Variants in PCDH17 observed in about 807,000 individuals in gnomAD.
PCDH17 encodes protocadherin-17.
PCDH17 carries 21 observed loss-of-function variants against 67.7 expected under a neutral mutation model. That is an observed-to-expected ratio of 0.31 (90% CI 0.22 to 0.45). The LOEUF is 0.45. PCDH17 is among the 20% of genes least tolerant of loss of function. The pLI is 1.00. For synonymous variants in PCDH17, 701 were observed against 656.7 expected (o/e 1.07, Z -1.03); for missense variants, 1,471 against 1,564.8 (o/e 0.94, Z 1.01).
At chr13:57,696,939 A>C (rs908349810) in intron 3 of PCDH17, among the ~76,000 whole-genome samples, 1 of 151,650 alleles carries the variant, frequency 6.6e-6, no homozygotes, top group African/African-American at 2.4e-5. Flanking sequence ...GACAGTCTCA[A>C]CAAACTGATA....
intron 3 of PCDH17, among the ~76,000 whole-genome samples, chr13:57,701,783 TG>T (rs1301269770): frequency 6.6e-6 from 1 of 152,168 alleles, no homozygotes; most frequent in Non-Finnish European, 1.5e-5. Flanking sequence ...ATAACATTTT[TG>T]CTTCAAATGT....
intron 3 of PCDH17, among the ~76,000 whole-genome samples, chr13:57,712,211 T>C (rs555269980): frequency 2.8e-4 from 42 of 151,860 alleles, no homozygotes; most frequent in Admixed American, 5.3e-4. Flanking sequence ...ATTTTAATAC[T>C]GGATAACTTT....
rs199965925 is a variant in PCDH17 at position 57,634,443 on chromosome 13, G to C, written c.1897G>C (p.Asp633His). 4 of 1,612,720 alleles carry C rather than the reference G, an allele frequency of 2.5e-6. No individual in the cohort carries two copies. Among genetic ancestry groups the C allele is most frequent in the African/African-American group, 2.7e-5 (2 of 74,948 alleles). The change falls in exon 1 of 4, where the codon GAC becomes CAC. Residue 633 changes from aspartate to histidine, a missense_variant. By Grantham distance (81) the Asp-to-His change is moderately conservative (BLOSUM62 -1). Around this residue, in one of 3 missense-constraint regions of PCDH17, gnomAD observed 1,163 missense variants for 1,230.0 expected, o/e 0.95. Coordinates refer to ENST00000377918, the MANE Select transcript of PCDH17 (RefSeq NM_001040429.3). The surrounding 1 kb of genome is among the most constrained non-coding windows in gnomAD (Gnocchi z 7.8). ...LTYEIVDGND[D>H]HLFEIDPSSG... ...CTACGAGATCGTGGACGGCAACGAC[G>C]ACCACCTGTTTGAGATCGACCCGTC...
intron 3 of PCDH17, among the ~76,000 whole-genome samples, chr13:57,685,534 A>G (rs1437641093): frequency 6.6e-6 from 1 of 152,002 alleles, no homozygotes; most frequent in Non-Finnish European, 1.5e-5. Flanking sequence ...TTGGAAAAAT[A>G]TGTAGTTTGA....
At chr13:57,673,351 G>A (rs1955347737) in intron 3 of PCDH17, among the ~76,000 whole-genome samples, 1 of 151,924 alleles carries the variant, frequency 6.6e-6, no homozygotes, top group Admixed American at 6.6e-5. Flanking sequence ...GACTTGATGG[G>A]CTTTTGTTAC....
intron 1 of PCDH17, among the ~76,000 whole-genome samples, chr13:57,662,577 A>G (rs1480086642): frequency 7.4e-6 from 1 of 134,880 alleles, no homozygotes; most frequent in East Asian, 3.4e-4. Flanking sequence ...CTACTTCCAC[A>G]AACAGAGAGC....
rs564921427 is a variant in PCDH17 at position 57,673,589 on chromosome 13, T to C, written c.2797+6756T>C. Among the ~76,000 whole-genome samples, 6 of 152,106 alleles carry C rather than the reference T, an allele frequency of 3.9e-5. No individual in the cohort carries two copies. The South Asian group carries it at 1.2e-3, about 32-fold the overall frequency. On this transcript the variant is annotated intron_variant, in intron 3 of 3. Transcript: ENST00000377918. The stretch of plus-strand genomic sequence containing the variant: ...TGAAAACAATTTTTAAAAGAAATGC[T>C]GCTGCAAGCTTATTAATAGTAAATT...
At chr13:57,697,855 T>A (rs894932184) in intron 3 of PCDH17, among the ~76,000 whole-genome samples, 12 of 151,096 alleles carry the variant, frequency 7.9e-5, no homozygotes, top group African/African-American at 2.9e-4. Context: ...AGTTGGGGGG[T>A]ACTTCACATT....
chr13:57,651,413 G>A (rs1329579388), intron 1 of PCDH17, among the ~76,000 whole-genome samples: 1 of 138,902 alleles, frequency 7.2e-6, no homozygotes, highest in African/African-American at 2.7e-5. Context: ...CCTGGCAGGA[G>A]TGCAGTGGCA....
chr13:57,708,287 A>T (rs1361777209), intron 3 of PCDH17, among the ~76,000 whole-genome samples: 1 of 152,036 alleles, frequency 6.6e-6, no homozygotes, highest in African/African-American at 2.4e-5. Flanking sequence ...GGGTCATGTT[A>T]TATGCCGAAA....
intron 1 of PCDH17, among the ~76,000 whole-genome samples, chr13:57,636,717 G>T (rs544912141): frequency 6.6e-6 from 1 of 152,000 alleles, no homozygotes; most frequent in Non-Finnish European, 1.5e-5. Context: ...TAATCAATAC[G>T]TATTTAGAAG....
At chr13:57,631,527 G>A (rs1175482501), upstream of PCDH17, among the ~76,000 whole-genome samples, 1 of 152,194 alleles carries the variant, frequency 6.6e-6, no homozygotes, top group African/African-American at 2.4e-5. Context: ...GGATGGTAGC[G>A]GAGGCTACTG....
At chr13:57,715,466 G>C (rs1566246444) in intron 3 of PCDH17, among the ~76,000 whole-genome samples, 1 of 151,796 alleles carries the variant, frequency 6.6e-6, no homozygotes, top group African/African-American at 2.4e-5. Context: ...GATTTCAAGG[G>C]ACTTTAGGGT....
chr13:57,684,045 T>A (rs1401094624), intron 3 of PCDH17, among the ~76,000 whole-genome samples: 1 of 151,890 alleles, frequency 6.6e-6, no homozygotes, highest in African/African-American at 2.4e-5. Flanking sequence ...GAATTTAAAC[T>A]TATAGGAGAA....
chr13:57,643,699 CATTGTGGTAAT>C (rs1408471252), intron 1 of PCDH17, among the ~76,000 whole-genome samples: 1 of 151,634 alleles, frequency 6.6e-6, no homozygotes, highest in Non-Finnish European at 1.5e-5. Context: ...TTATCATTTT[CATTGTGGTAAT>C]ATTAAGGATT....
rs781536747 is a variant in PCDH17, at chr13:57,633,061, C to T, written c.515C>T (p.Thr172Met). 1 of 1,613,228 alleles carries T rather than the reference C, an allele frequency of 6.2e-7. No individual in the cohort carries two copies. Among genetic ancestry groups the T allele is most frequent in the Non-Finnish European group, 8.5e-7 (1 of 1,179,976 alleles). ...GENGLRTYLL[T>M]RDDHGLFGLD... Reference sequence around the variant, plus strand: ...AATGGGCTCCGCACCTACCTGCTCACGCGCGACGATCACGGCCTCTTTGGA... The same window carrying T: ...AATGGGCTCCGCACCTACCTGCTCATGCGCGACGATCACGGCCTCTTTGGA... Residue 172 changes from threonine to methionine, a missense_variant, in exon 1 of 4, where the codon ACG (threonine) becomes ATG (methionine). Physicochemically the swap from Thr to Met is moderately conservative, Grantham distance 81. Transcript: ENST00000377918. The surrounding 1 kb of genome is among the most constrained non-coding windows in gnomAD (Gnocchi z 6.2).
intron 3 of PCDH17, among the ~76,000 whole-genome samples, chr13:57,681,382 C>T (rs1955449307): frequency 6.6e-6 from 1 of 151,774 alleles, no homozygotes; most frequent in South Asian, 2.1e-4. Flanking sequence ...TCAGCACCAC[C>T]TATAGTCATA....
intron 3 of PCDH17, among the ~76,000 whole-genome samples, chr13:57,683,972 C>T (rs1283281450): frequency 6.6e-6 from 1 of 151,660 alleles, no homozygotes; most frequent in Non-Finnish European, 1.5e-5. Context: ...AAATTACTCA[C>T]ATATTAAATA....
chr13:57,720,092 T>A (rs1955860301), intron 3 of PCDH17, among the ~76,000 whole-genome samples: 1 of 152,068 alleles, frequency 6.6e-6, no homozygotes, highest in African/African-American at 2.4e-5. Flanking sequence ...CACATAGATA[T>A]AATTTAGAAT....
Sources: gnomAD v4.1 joint callset for allele counts (sites outside exome capture counted in the v4.1 genomes callset) on GRCh38, gnomAD v4.1.1 for gene constraint, gnomAD v4.1.1 regional missense constraint, Gnocchi (gnomAD v3.1) non-coding constraint, MANE v1.5 for transcripts, NCBI Gene and HGNC (gene_info 2026-07-23, HGNC 2026-07-21) for gene names.